Variants in CHRM2 observed in about 807,000 individuals in gnomAD.
CHRM2 encodes cholinergic receptor muscarinic 2.
In CHRM2, 8 loss-of-function variants were observed where a neutral mutation model predicts 25.0. The ratio of observed to expected loss-of-function variants is 0.32; its 90% confidence interval spans 0.19 to 0.58. The LOEUF (loss-of-function observed/expected upper bound fraction) is 0.58, where lower values mean the gene tolerates loss of function less well. CHRM2 is among the 20% of genes least tolerant of loss of function. CHRM2 has a pLI of 0.88. For missense variants in CHRM2, 440 were observed against 567.1 expected (o/e 0.78, Z 2.28); for synonymous variants, 202 against 205.7 (o/e 0.98, Z 0.15).
intron 2 of CHRM2, chr7:136,907,947 C>T (rs954910068): frequency 6.6e-6 from 1 of 151,858 alleles, no homozygotes; most frequent in African/African-American, 2.4e-5. Context: ...CTTCTCCATT[C>T]CTCCCTAAGG....
rs561061716 is a variant in CHRM2, at chr7:136,896,482, C to A, written c.-125+27064C>A. ...ATGTAGTAATCTCCAGCTGGATGAT[C>A]ATTGACTAAATTGTAAGCCCATTCA... On this transcript the variant is annotated intron_variant, in intron 2 of 3. Coordinates refer to ENST00000680005, the MANE Select transcript of CHRM2 (RefSeq NM_001006630.2). Among the ~76,000 whole-genome samples the A allele has an allele frequency of 2.1e-4, 32 of 152,236 alleles. No homozygotes were observed. In the South Asian group the frequency reaches 4.4e-3, roughly 21 times the overall value.
At chr7:136,912,487 C>T (rs1797894633) in intron 2 of CHRM2, among the ~76,000 whole-genome samples, 1 of 151,870 alleles carries the variant, frequency 6.6e-6, no homozygotes, top group Admixed American at 6.6e-5. Flanking sequence ...GTGCCCTCTT[C>T]CTGTCCTTTC....
intron 2 of CHRM2, among the ~76,000 whole-genome samples, chr7:136,909,833 A>C (rs756141243): frequency 4.6e-5 from 7 of 151,976 alleles, no homozygotes; most frequent in Non-Finnish European, 1.0e-4. Flanking sequence ...ATACATTTGT[A>C]GCAGACCACT....
intron 2 of CHRM2, among the ~76,000 whole-genome samples, chr7:136,959,149 T>A (rs940922529): frequency 6.6e-6 from 1 of 152,232 alleles, no homozygotes; most frequent in African/African-American, 2.4e-5. Context: ...CTCCTTAGCT[T>A]CTATCCTCTA....
At chr7:136,885,681 C>A (rs1796435711) in intron 2 of CHRM2, among the ~76,000 whole-genome samples, 2 of 152,178 alleles carry the variant, frequency 1.3e-5, no homozygotes, top group Non-Finnish European at 2.9e-5. Context: ...CTAGCCTTTA[C>A]AGTCTGTCCT....
chr7:136,994,350 T>C (rs1040159653), intron 3 of CHRM2, among the ~76,000 whole-genome samples: 1 of 152,178 alleles, frequency 6.6e-6, no homozygotes, highest in African/African-American at 2.4e-5. Flanking sequence ...GAGTTGCTCC[T>C]GCATTGTAAA....
At chr7:137,008,229 T>A (rs1804578124) in intron 3 of CHRM2, among the ~76,000 whole-genome samples, 1 of 152,118 alleles carries the variant, frequency 6.6e-6, no homozygotes, top group African/African-American at 2.4e-5. Flanking sequence ...TACTTAAGTA[T>A]CCTTTACTAC....
At chr7:136,928,412 G>A (rs2130767018) in intron 2 of CHRM2, among the ~76,000 whole-genome samples, 1 of 152,270 alleles carries the variant, frequency 6.6e-6, no homozygotes, top group South Asian at 2.1e-4. Context: ...ATAATTTGTA[G>A]TGATTATTTT....
intron 2 of CHRM2, chr7:136,951,047 T>G (rs1309324882): frequency 1.3e-5 from 2 of 152,148 alleles, no homozygotes; most frequent in Non-Finnish European, 2.9e-5. Flanking sequence ...GTGATCCTCC[T>G]GCCTCAGTCT....
chr7:136,926,658 G>A (rs1044891707), intron 2 of CHRM2, among the ~76,000 whole-genome samples: 3 of 152,174 alleles, frequency 2.0e-5, no homozygotes, highest in Non-Finnish European at 4.4e-5. Flanking sequence ...GGAGGTGATA[G>A]GAATGAATTA....
At chr7:136,903,023 CT>C (rs1797316778) in intron 2 of CHRM2, 4 of 486,138 alleles carry the variant, frequency 8.2e-6, no homozygotes, top group African/African-American at 2.0e-5. Flanking sequence ...TGGCCAGCAA[CT>C]TTAAACAATA....
intron 2 of CHRM2, among the ~76,000 whole-genome samples, chr7:136,990,408 A>G (rs937348278): frequency 1.3e-5 from 2 of 151,994 alleles, no homozygotes; most frequent in Non-Finnish European, 2.9e-5. Flanking sequence ...CCCACCATTG[A>G]TCTTTTTACT....
rs534981816 is a variant in CHRM2 at position 137,018,263 on chromosome 7, T to C, written c.*1997T>C. ...AGCAAATTGCCAGCAGTATTTATAT[T>C]TGACTTATCCTTCGTAAAAACAATT... On this transcript the variant is annotated 3_prime_UTR_variant, in exon 4 of 4. Coordinates refer to ENST00000680005, the MANE Select transcript of CHRM2 (RefSeq NM_001006630.2). 6 of 152,048 alleles carry C rather than the reference T, an allele frequency of 3.9e-5. No homozygotes were observed. Among genetic ancestry groups the C allele is most frequent in the Non-Finnish European group, 5.9e-5 (4 of 67,906 alleles). The allele number at this position is 152,048 out of a possible 1,614,324, so 9.4% of individuals were successfully genotyped here.
At chr7:137,006,815 A>G (rs910387266) in intron 3 of CHRM2, among the ~76,000 whole-genome samples, 14 of 151,956 alleles carry the variant, frequency 9.2e-5, no homozygotes, top group African/African-American at 3.4e-4. Context: ...CGTATGCTGT[A>G]ATTTCCTAAA....
intron 3 of CHRM2, among the ~76,000 whole-genome samples, chr7:136,994,521 C>CTTTTTTTTTT (rs757243972): frequency 1.8e-4 from 13 of 71,412 alleles, no homozygotes; most frequent in African/African-American, 4.5e-4. Context: ...TTTTTCTTTT[C>CTTTTTTTTTT]TTTTTTTTTT....
At chr7:136,941,462 T>C (rs1018789855) in intron 2 of CHRM2, among the ~76,000 whole-genome samples, 1 of 152,204 alleles carries the variant, frequency 6.6e-6, no homozygotes, top group African/African-American at 2.4e-5. Context: ...ACACCATTAT[T>C]ATAAACAAGA....
At position 136,897,142 on chromosome 7, in the gene CHRM2, A is replaced by G. The variant is rs961696903; in HGVS notation, c.-125+27724A>G. ...GTAGTAGGTTGGCCAAAAAAAAAAA[A>G]AAAAGAAGACATAGAGAGAAGTTAG... On this transcript the variant is annotated intron_variant, in intron 2 of 3. Coordinates refer to ENST00000680005, the MANE Select transcript of CHRM2 (RefSeq NM_001006630.2). 3.7e-3 allele frequency among the ~76,000 whole-genome samples: 564 copies of G among 151,840 alleles called. 5 individuals carry two copies. The highest frequency in any genetic ancestry group is 0.013 in the African/African-American group (539 of 41,452).
At chr7:136,887,281 A>G (rs1796504920) in intron 2 of CHRM2, among the ~76,000 whole-genome samples, 1 of 152,220 alleles carries the variant, frequency 6.6e-6, no homozygotes, top group Admixed American at 6.5e-5. Context: ...CTTTGCTTAA[A>G]AAACCTTTAC....
intron 2 of CHRM2, among the ~76,000 whole-genome samples, chr7:136,967,112 T>A (rs1801468206): frequency 6.6e-6 from 1 of 151,980 alleles, no homozygotes; most frequent in Non-Finnish European, 1.5e-5. Context: ...AAGAATGTCA[T>A]GGATCTTGTA....
Sources: gnomAD v4.1 joint callset for allele counts (sites outside exome capture counted in the v4.1 genomes callset) on GRCh38, gnomAD v4.1.1 for gene constraint, MANE v1.5 for transcripts, NCBI Gene and HGNC (gene_info 2026-07-23, HGNC 2026-07-21) for gene names.